Variants in PALM2AKAP2 observed in about 807,000 individuals in gnomAD.
The protein encoded by PALM2AKAP2 is PALM2-AKAP2 fusion protein.
PALM2AKAP2 carries 37 observed loss-of-function variants against 71.5 expected under a neutral mutation model. That is an observed-to-expected ratio of 0.52 (90% CI 0.40 to 0.68). The LOEUF (loss-of-function observed/expected upper bound fraction) is 0.68, where lower values mean the gene tolerates loss of function less well. Among genes scored for constraint, PALM2AKAP2 ranks in the 30% least tolerant of loss-of-function variants. The pLI is 0.00. For synonymous variants in PALM2AKAP2, 468 were observed against 478.8 expected (o/e 0.98, Z 0.29); for missense variants, 1,224 against 1,191.8 (o/e 1.03, Z -0.40).
In PALM2AKAP2 at chr9:110,156,401, T is replaced by G. The variant is rs767201223; in HGVS notation, c.2652T>G (p.Ala884=). 35 of 1,612,978 alleles carry G rather than the reference T, an allele frequency of 2.2e-5. 2 individuals carry two copies. In the South Asian group the frequency reaches 3.6e-4, roughly 17 times the overall value. Residue 884 remains alanine, a synonymous_variant, in exon 3 of 4, where the codon GCT becomes GCG. Coordinates refer to ENST00000374525, the Ensembl canonical transcript of PALM2AKAP2. The stretch of plus-strand genomic sequence containing the variant: ...AGCCTGACTTAGCCCCTGAAGAGGC[T>G]GCCGGAACCCAGCGGCCCAAGAATC...
intron 1 of PALM2AKAP2, among the ~76,000 whole-genome samples, chr9:110,094,477 A>G (rs1462946498): frequency 6.6e-6 from 1 of 152,196 alleles, no homozygotes; most frequent in Non-Finnish European, 1.5e-5. Flanking sequence ...CACAGGCTGT[A>G]TAGGAGGCAT....
chr9:110,052,021 G>C (rs1167537541), intron 1 of PALM2AKAP2, among the ~76,000 whole-genome samples: 1 of 151,870 alleles, frequency 6.6e-6, no homozygotes, highest in Non-Finnish European at 1.5e-5. Flanking sequence ...TCCTGCCTCA[G>C]CCTCCCAAAT....
At chr9:110,153,706 A>G (rs1325455197) in intron 2 of PALM2AKAP2, among the ~76,000 whole-genome samples, 2 of 152,234 alleles carry the variant, frequency 1.3e-5, no homozygotes, top group Non-Finnish European at 2.9e-5. Context: ...GCAAGGCTCT[A>G]CCCTAATGGA....
At chr9:110,068,749 T>TCTCGAACTCCTGGC (rs200492266) in intron 1 of PALM2AKAP2, among the ~76,000 whole-genome samples, 2,475 of 152,194 alleles carry the variant, frequency 0.016, 51 homozygotes, top group African/African-American at 0.057. Flanking sequence ...CCCAGACTGG[T>TCTCGAACTCCTGGC]CTCGAACTCC....
At chr9:110,147,649 T>G (rs1168453323) in intron 2 of PALM2AKAP2, among the ~76,000 whole-genome samples, 1 of 152,180 alleles carries the variant, frequency 6.6e-6, no homozygotes, top group African/African-American at 2.4e-5. Flanking sequence ...GGTGTGTACC[T>G]TTAGTCCTAG....
chr9:110,036,149 A>T (rs761558716), intron 7 of PALM2AKAP2, among the ~76,000 whole-genome samples: 1 of 151,840 alleles, frequency 6.6e-6, no homozygotes, highest in Non-Finnish European at 1.5e-5. Context: ...GTTAGCTAGG[A>T]TGGTCTCAAT....
chr9:109,678,967 G>T (rs1262406750), intron 1 of PALM2AKAP2, among the ~76,000 whole-genome samples: 1 of 151,880 alleles, frequency 6.6e-6, no homozygotes, highest in Admixed American at 6.6e-5. Context: ...TAGGGCAAAG[G>T]CAAACTCACG....
At chr9:109,838,230 A>C (rs1486168132) in intron 1 of PALM2AKAP2, among the ~76,000 whole-genome samples, 3 of 152,246 alleles carry the variant, frequency 2.0e-5, no homozygotes, top group African/African-American at 7.2e-5. Flanking sequence ...AACTCACTCA[A>C]AACTGCACAA....
intron 3 of PALM2AKAP2, among the ~76,000 whole-genome samples, chr9:109,909,411 G>C (rs1396480302): frequency 6.6e-6 from 1 of 152,192 alleles, no homozygotes; most frequent in African/African-American, 2.4e-5. Context: ...GCTACTTCCA[G>C]TTGAGAAACA....
intron 1 of PALM2AKAP2, among the ~76,000 whole-genome samples, chr9:110,060,041 TA>T (rs1833928332): frequency 6.6e-6 from 1 of 152,196 alleles, no homozygotes; most frequent in Admixed American, 6.5e-5. Context: ...GATGGTCTAC[TA>T]GGCTTTTTAT....
chr9:109,757,815 G>C (rs1587896315), intron 1 of PALM2AKAP2, among the ~76,000 whole-genome samples: 1 of 151,988 alleles, frequency 6.6e-6, no homozygotes, highest in Non-Finnish European at 1.5e-5. Flanking sequence ...AAAAGGGATA[G>C]ATCCCAGATT....
At chr9:110,085,083 G>A (rs1254518346) in intron 1 of PALM2AKAP2, among the ~76,000 whole-genome samples, 1 of 152,134 alleles carries the variant, frequency 6.6e-6, no homozygotes, top group African/African-American at 2.4e-5. Context: ...CATCGTGGTT[G>A]GTTGAGTCTA....
intron 1 of PALM2AKAP2, among the ~76,000 whole-genome samples, chr9:110,096,926 C>G (rs1588106938): frequency 2.2e-5 from 3 of 136,118 alleles, no homozygotes; most frequent in Middle Eastern, 3.6e-3. Flanking sequence ...ACAGAATTTT[C>G]TTTTTATTTA....
At chr9:110,115,469 C>T (rs913752438) in intron 1 of PALM2AKAP2, among the ~76,000 whole-genome samples, 2 of 152,198 alleles carry the variant, frequency 1.3e-5, no homozygotes, top group Non-Finnish European at 2.9e-5. Context: ...CCCTTGGCTG[C>T]CTGCCGTGTC....
At chr9:109,942,536 T>G in intron 6 of PALM2AKAP2, 1 of 770,026 alleles carries the variant, frequency 1.3e-6, no homozygotes, top group Non-Finnish European at 2.0e-6. Context: ...CCATCTTTAT[T>G]CACAGTGCGC....
intron 1 of PALM2AKAP2, among the ~76,000 whole-genome samples, chr9:109,683,500 C>T (rs1455144562): frequency 6.6e-6 from 1 of 152,148 alleles, no homozygotes; most frequent in Non-Finnish European, 1.5e-5. Flanking sequence ...ATAGATTCTT[C>T]CTCATAACCT....
chr9:109,881,612 G>T (rs576992567), intron 3 of PALM2AKAP2, among the ~76,000 whole-genome samples: 15 of 152,260 alleles, frequency 9.9e-5, no homozygotes, highest in African/African-American at 3.6e-4. Context: ...ACCAGGATCT[G>T]ATCACTTCAA....
chr9:110,073,638 T>G (rs1644880044), intron 1 of PALM2AKAP2, among the ~76,000 whole-genome samples: 1 of 152,184 alleles, frequency 6.6e-6, no homozygotes, highest in African/African-American at 2.4e-5. Context: ...AGGTTGCACA[T>G]CTAAATGTCA....
At chr9:110,102,940 C>T (rs1350749854) in intron 1 of PALM2AKAP2, among the ~76,000 whole-genome samples, 1 of 152,186 alleles carries the variant, frequency 6.6e-6, no homozygotes, top group Non-Finnish European at 1.5e-5. Flanking sequence ...GCATTTTCAG[C>T]TTCAATTGCT....
Sources: allele counts gnomAD v4.1 joint callset (sites outside exome capture counted in the v4.1 genomes callset), GRCh38; gene constraint gnomAD v4.1.1; transcripts MANE v1.5; gene names NCBI Gene and HGNC (gene_info 2026-07-23, HGNC 2026-07-21).